PARN: variants seen among roughly 807,000 people sequenced by gnomAD.
PARN encodes the protein poly(A)-specific ribonuclease PARN.
In PARN, 71 loss-of-function variants were observed where a neutral mutation model predicts 102.8. The ratio of observed to expected loss-of-function variants is 0.69; its 90% CI spans 0.57 to 0.84. The LOEUF (loss-of-function observed/expected upper bound fraction) is 0.84. Among genes scored for constraint, PARN ranks in the 40% least tolerant of loss-of-function variants. The probability of loss-of-function intolerance (pLI) is 0.00; values close to 1 mark genes in which losing one functional copy is unlikely to be tolerated. For missense variants in PARN, 782 were observed against 760.9 expected, an observed-to-expected ratio of 1.03 and a Z score of -0.33; for synonymous variants, 261 against 252.9, an observed-to-expected ratio of 1.03 and a Z score of -0.30.
intron 21 of PARN, among the ~76,000 whole-genome samples, chr16:14,518,483 T>G (rs1041146404): frequency 4.0e-5 from 6 of 151,750 alleles, no homozygotes; most frequent in Non-Finnish European, 7.4e-5. Context: ...TCCCACACTA[T>G]GCCATATTAC....
chr16:14,571,170 G>C (rs1968785687), intron 18 of PARN, among the ~76,000 whole-genome samples: 1 of 152,070 alleles, frequency 6.6e-6, no homozygotes, highest in Non-Finnish European at 1.5e-5. Flanking sequence ...GTTCACTTGA[G>C]GTCAGGAGTT....
chr16:14,508,625 T>C (rs1965022720), intron 21 of PARN, among the ~76,000 whole-genome samples: 2 of 151,430 alleles, frequency 1.3e-5, no homozygotes, highest in Non-Finnish European at 2.9e-5. Context: ...AACAGATATA[T>C]CAAAAATATA....
intron 11 of PARN, among the ~76,000 whole-genome samples, chr16:14,602,905 C>T (rs538743995): frequency 6.6e-6 from 1 of 152,034 alleles, no homozygotes; most frequent in African/African-American, 2.4e-5. Context: ...AAAACACATG[C>T]TGCAATCATC....
chr16:14,595,157 A>G (rs562515291), intron 12 of PARN, among the ~76,000 whole-genome samples: 6 of 152,252 alleles, frequency 3.9e-5, no homozygotes, highest in Middle Eastern at 3.2e-3. Flanking sequence ...GGTATGGGTT[A>G]GTAGCTCTGA....
intron 18 of PARN, among the ~76,000 whole-genome samples, chr16:14,580,000 A>G (rs1363329414): frequency 6.6e-6 from 1 of 151,750 alleles, no homozygotes. Flanking sequence ...AAAAAAAAGA[A>G]CTATATTTAA....
intron 21 of PARN, among the ~76,000 whole-genome samples, chr16:14,494,111 C>G (rs1374367336): frequency 1.3e-5 from 2 of 152,142 alleles, no homozygotes; most frequent in African/African-American, 4.8e-5. Flanking sequence ...CCTCTCATAC[C>G]CACACGTTCT....
At chr16:14,553,978 G>A (rs1043683917) in intron 20 of PARN, 87 bp downstream of exon 20, 17 of 779,318 alleles carry the variant, frequency 2.2e-5, no homozygotes, top group East Asian at 1.4e-4. Flanking sequence ...TCTTTTATAC[G>A]CAGGCCAAAA....
At chr16:14,543,855 G>A (rs1386784735) in intron 21 of PARN, among the ~76,000 whole-genome samples, 5 of 152,082 alleles carry the variant, frequency 3.3e-5, no homozygotes, top group Non-Finnish European at 7.4e-5. Context: ...ACATTAAATT[G>A]GACTAAATAC....
intron 21 of PARN, among the ~76,000 whole-genome samples, chr16:14,521,707 C>G (rs184751472): frequency 3.4e-3 from 517 of 151,818 alleles, no homozygotes; most frequent in Middle Eastern, 0.02. Context: ...GAGGCTGAGG[C>G]AGGAGAATTG....
At chr16:14,580,404 C>G (rs762732808) in intron 18 of PARN, among the ~76,000 whole-genome samples, 11 of 152,216 alleles carry the variant, frequency 7.2e-5, no homozygotes, top group Non-Finnish European at 2.9e-5. Context: ...TCTCCCACTA[C>G]AGCCTCCCGA....
intron 21 of PARN, among the ~76,000 whole-genome samples, chr16:14,510,024 A>T (rs755899528): frequency 2.0e-5 from 3 of 152,222 alleles, no homozygotes; most frequent in Admixed American, 1.3e-4. Flanking sequence ...ACACCCCAAC[A>T]GAACAATGGC....
At chr16:14,627,843 A>T (rs568729518) in intron 3 of PARN, among the ~76,000 whole-genome samples, 7 of 144,248 alleles carry the variant, frequency 4.9e-5, no homozygotes, top group South Asian at 2.2e-4. Flanking sequence ...TGTAAAAATT[A>T]AAAAAAATAA....
chr16:14,590,418 T>C (rs1219590561), intron 13 of PARN, among the ~76,000 whole-genome samples: 3 of 151,704 alleles, frequency 2.0e-5, no homozygotes, highest in Non-Finnish European at 4.4e-5. Flanking sequence ...GTGGATCACC[T>C]GAGATGAGGC....
intron 2 of PARN, among the ~76,000 whole-genome samples, chr16:14,628,759 T>C (rs1353820986): frequency 6.6e-6 from 1 of 152,212 alleles, no homozygotes; most frequent in Non-Finnish European, 1.5e-5. Flanking sequence ...CCAAGGATAC[T>C]ATTTACCCCT....
At chr16:14,620,903 C>G (rs1972254428) in intron 5 of PARN, among the ~76,000 whole-genome samples, 1 of 152,118 alleles carries the variant, frequency 6.6e-6, no homozygotes, top group Non-Finnish European at 1.5e-5. Flanking sequence ...GTGATTGTAT[C>G]ATTTTTCTTT....
At chr16:14,627,017 A>C in intron 5 of PARN, 89 bp downstream of exon 5, 1 of 769,574 alleles carries the variant, frequency 1.3e-6, no homozygotes, top group South Asian at 1.6e-5. Context: ...CCAAAGCCCA[A>C]AGTTAATAGA....
intron 21 of PARN, among the ~76,000 whole-genome samples, chr16:14,519,188 T>C (rs1038645750): frequency 2.0e-5 from 3 of 150,762 alleles, no homozygotes; most frequent in Admixed American, 6.6e-5. Context: ...AGAAAACCTA[T>C]AGTCCTGATG....
chr16:14,609,554 GA>G (rs1398737864), intron 7 of PARN, among the ~76,000 whole-genome samples: 1 of 152,166 alleles, frequency 6.6e-6, no homozygotes, highest in Non-Finnish European at 1.5e-5. Context: ...CTTGGCAACA[GA>G]ACGAGACCCT....
chr16:14,514,310 G>A (rs2151641549), intron 21 of PARN, among the ~76,000 whole-genome samples: 1 of 152,222 alleles, frequency 6.6e-6, no homozygotes, highest in East Asian at 1.9e-4. Context: ...TCAGCCTCCT[G>A]AGTAGCTGGG....
Sources: allele counts gnomAD v4.1 joint callset (sites outside exome capture counted in the v4.1 genomes callset), GRCh38; gene constraint gnomAD v4.1.1; transcripts MANE v1.5; gene names NCBI Gene and HGNC (gene_info 2026-07-23, HGNC 2026-07-21).